The following OPRM1 variants were observed in gnomAD, a reference collection of about 807,000 sequenced individuals.
The protein encoded by OPRM1 is opioid receptor mu 1.
In OPRM1, 27 loss-of-function variants were observed where a neutral mutation model predicts 31.8. The ratio of observed to expected loss-of-function variants is 0.85; its 90% CI spans 0.63 to 1.17. The LOEUF is 1.17. Ranked by LOEUF, OPRM1 falls within the 50% of genes most tolerant of loss-of-function variation. OPRM1 has a pLI of 0.00. For missense variants in OPRM1, 536 were observed against 511.1 expected, an observed-to-expected ratio of 1.05 and a Z score of -0.47; for synonymous variants, 196 against 189.9, an observed-to-expected ratio of 1.03 and a Z score of -0.26.
In OPRM1 at chr6:154,130,406, G is replaced by A. The variant is rs914731979; in HGVS notation, c.*11685G>A. On this transcript the variant is annotated 3_prime_UTR_variant, in exon 4 of 4. Transcript: ENST00000330432. ...GATGGTTTCGATCTCCTGACCTCGT[G>A]ATCTGCCTGCCTCGGCCTCCCAAAG... is the stretch of plus-strand genomic sequence containing the variant. Among the ~76,000 whole-genome samples the A allele has an allele frequency of 5.9e-5, 9 of 152,004 alleles. No homozygotes were observed. Among genetic ancestry groups the A allele is most frequent in the Non-Finnish European group, 1.0e-4 (7 of 68,002 alleles).
At chr6:154,246,176 T>C (rs1342515445) in intron 3 of OPRM1, among the ~76,000 whole-genome samples, 1 of 152,164 alleles carries the variant, frequency 6.6e-6, no homozygotes, top group Non-Finnish European at 1.5e-5. Context: ...CTGAATTGAA[T>C]CAACTGACAC....
intron 1 of OPRM1, among the ~76,000 whole-genome samples, chr6:154,061,985 A>G (rs1784520697): frequency 6.6e-6 from 1 of 152,200 alleles, no homozygotes; most frequent in East Asian, 1.9e-4. Context: ...AAGCTCAATA[A>G]CATTTTTGTC....
intron 3 of OPRM1, among the ~76,000 whole-genome samples, chr6:154,229,435 C>T (rs1367089147): frequency 3.3e-5 from 5 of 150,526 alleles, no homozygotes; most frequent in Admixed American, 6.6e-5. Flanking sequence ...CTGCAAGCTC[C>T]GCCTCCTGGG....
rs4304180 is a variant in OPRM1 at position 154,229,499 on chromosome 6, G to T, written c.1165-17194G>T. Among the ~76,000 whole-genome samples, 777 of 151,476 alleles carry T rather than the reference G, an allele frequency of 5.1e-3. 5 individuals carry two copies. The highest frequency in any genetic ancestry group is 0.018 in the African/African-American group (741 of 41,292). On this transcript the variant is annotated intron_variant, in intron 3 of 3. Transcript: ENST00000337049. ...CGAGTAGCTGGGACTACAGGCACCC[G>T]CCACCACACCCGGCTCATTTTTTGT... is the stretch of plus-strand genomic sequence containing the variant.
intron 1 of OPRM1, among the ~76,000 whole-genome samples, chr6:154,069,398 C>A (rs1197029641): frequency 6.6e-6 from 1 of 152,096 alleles, no homozygotes; most frequent in South Asian, 2.1e-4. Flanking sequence ...GCCGCCACAC[C>A]CAGCTAATTT....
chr6:154,054,398 C>T (rs1190659248), intron 1 of OPRM1, among the ~76,000 whole-genome samples: 1 of 150,638 alleles, frequency 6.6e-6, no homozygotes, highest in African/African-American at 2.4e-5. Context: ...AAAGGAAACC[C>T]GCCTAAGGTT....
chr6:154,191,024 G>A (rs1248359110), intron 3 of OPRM1, among the ~76,000 whole-genome samples: 11 of 151,822 alleles, frequency 7.2e-5, no homozygotes, highest in Admixed American at 7.2e-4. Flanking sequence ...CCACTGCACT[G>A]CAGCCTGGAC....
chr6:154,204,650 T>C (rs1004426768), intron 3 of OPRM1, among the ~76,000 whole-genome samples: 4 of 152,146 alleles, frequency 2.6e-5, no homozygotes, highest in African/African-American at 9.7e-5. Flanking sequence ...ATCCTTAGTA[T>C]CCATGTGACC....
chr6:154,205,160 T>C (rs559228513), intron 3 of OPRM1, among the ~76,000 whole-genome samples: 1 of 152,324 alleles, frequency 6.6e-6, no homozygotes, highest in South Asian at 2.1e-4. Flanking sequence ...CTTCAGAGCA[T>C]TTGTCAGTCC....
intron 1 of OPRM1, among the ~76,000 whole-genome samples, chr6:154,062,676 T>G (rs901494793): frequency 3.3e-5 from 5 of 152,238 alleles, no homozygotes; most frequent in Non-Finnish European, 7.4e-5. Flanking sequence ...ACAGTCATCA[T>G]AAGTACCTAA....
downstream of OPRM1, among the ~76,000 whole-genome samples, chr6:154,137,174 C>A (rs1282526685): frequency 6.6e-6 from 1 of 152,082 alleles, no homozygotes; most frequent in Non-Finnish European, 1.5e-5. Flanking sequence ...CATTACACTA[C>A]CTCCTTCAAA....
chr6:154,049,804 G>T (rs17174654), intron 1 of OPRM1, among the ~76,000 whole-genome samples: 1 of 151,942 alleles, frequency 6.6e-6, no homozygotes, highest in South Asian at 2.1e-4. Flanking sequence ...TATATACAGC[G>T]CATTGATTGA....
In OPRM1 at chr6:154,127,122, T is replaced by A. The variant is rs948593465; in HGVS notation, c.*8401T>A. On this transcript the variant is annotated 3_prime_UTR_variant, in exon 4 of 4. Coordinates refer to ENST00000330432, the MANE Select transcript of OPRM1 (RefSeq NM_000914.5). The stretch of plus-strand genomic sequence containing the variant: ...AGATTGTCTCAAAAAAAAAAAAAAG[T>A]GCCACATGCCATGCTATGTGCCCAA... Among the ~76,000 whole-genome samples, 43 of 124,848 alleles carry A rather than the reference T, an allele frequency of 3.4e-4. No homozygotes were observed. The highest frequency in any genetic ancestry group is 6.2e-4 in the Non-Finnish European group (36 of 58,246). The allele number at this position is 124,848 out of a possible 152,430, so 81.9% of individuals were successfully genotyped here. A position where few individuals can be genotyped will look rare whatever the true frequency, so the allele number is the denominator to read the frequency against.
chr6:154,198,226 CATTG>C (rs1776779494), intron 3 of OPRM1, among the ~76,000 whole-genome samples: 1 of 152,120 alleles, frequency 6.6e-6, no homozygotes, highest in South Asian at 2.1e-4. Flanking sequence ...TGACTTGCAC[CATTG>C]AACTCAATTC....
At chr6:154,191,898 C>T (rs899428868) in intron 3 of OPRM1, among the ~76,000 whole-genome samples, 1 of 151,898 alleles carries the variant, frequency 6.6e-6, no homozygotes, top group African/African-American at 2.4e-5. Context: ...AAAAAGTGCT[C>T]TACAAAGTTA....
intron 3 of OPRM1, among the ~76,000 whole-genome samples, chr6:154,205,276 T>C (rs1044719596): frequency 6.6e-6 from 1 of 150,732 alleles, no homozygotes; most frequent in South Asian, 2.1e-4. Flanking sequence ...AGCATCCCTG[T>C]ATTTTTTTTT....
At chr6:154,201,123 G>A (rs1277212777) in intron 3 of OPRM1, among the ~76,000 whole-genome samples, 1 of 152,134 alleles carries the variant, frequency 6.6e-6, no homozygotes, top group African/African-American at 2.4e-5. Flanking sequence ...CTCCATGATT[G>A]TAAAGTTTCC....
chr6:154,214,956 T>C (rs1778266388), intron 3 of OPRM1, among the ~76,000 whole-genome samples: 1 of 152,252 alleles, frequency 6.6e-6, no homozygotes, highest in Non-Finnish European at 1.5e-5. Flanking sequence ...CTCAAGGGTT[T>C]ACTTAGGAAC....
rs1233673949 is a variant in OPRM1, at chr6:154,124,625, C to T, written c.*5904C>T. ...CAGTAAGTCTTTAATCCATTTGCAT[C>T]AAAAAGTACTTCATATGCTCGAAAC... On this transcript the variant is annotated 3_prime_UTR_variant, in exon 4 of 4. Coordinates refer to ENST00000330432, the MANE Select transcript of OPRM1 (RefSeq NM_000914.5). 1.3e-5 allele frequency among the ~76,000 whole-genome samples: 2 copies of T among 152,114 alleles called. No homozygotes were observed. Among genetic ancestry groups the T allele is most frequent in the African/African-American group, 4.8e-5 (2 of 41,412 alleles).
Sources: allele counts gnomAD v4.1 joint callset (sites outside exome capture counted in the v4.1 genomes callset), GRCh38; gene constraint gnomAD v4.1.1; transcripts MANE v1.5; gene names NCBI Gene and HGNC (gene_info 2026-07-23, HGNC 2026-07-21).